BCL2L1: variants seen among roughly 807,000 people sequenced by gnomAD.
The protein encoded by BCL2L1 is BCL2 like 1, also known as bcl-2-like protein 1.
A neutral mutation model predicts 18.7 loss-of-function variants in BCL2L1; 1 was observed. The ratio of observed to expected loss-of-function variants is 0.05; its 90% confidence interval spans 0.02 to 0.25. The LOEUF is 0.25. BCL2L1 is among the 10% of genes least tolerant of loss of function. The pLI, the probability that BCL2L1 is intolerant of heterozygous loss-of-function variation, is 1.00. For synonymous variants in BCL2L1, 103 were observed against 122.7 expected (o/e 0.84, Z 1.06); for missense variants, 207 against 304.9 (o/e 0.68, Z 2.39).
intron 2 of BCL2L1, among the ~76,000 whole-genome samples, chr20:31,687,533 C>T (rs987431823): frequency 1.3e-5 from 2 of 151,770 alleles, no homozygotes; most frequent in African/African-American, 2.4e-5. Context: ...AAAAAATAGC[C>T]GGGTGTGGTG....
intron 2 of BCL2L1, among the ~76,000 whole-genome samples, chr20:31,667,484 CGTGTGTGTGTGTGT>C (rs3073682): frequency 1.5e-5 from 2 of 135,266 alleles, no homozygotes; most frequent in South Asian, 2.3e-4. Flanking sequence ...ACCATAGTAC[CGTGTGTGTGTGTGT>C]GTGTGTGTGT....
At chr20:31,710,454 C>G (rs765907101) in intron 2 of BCL2L1, among the ~76,000 whole-genome samples, 3 of 152,202 alleles carry the variant, frequency 2.0e-5, no homozygotes, top group Non-Finnish European at 4.4e-5. Context: ...GGAAATTGTA[C>G]AAAGCTACGG....
intron 2 of BCL2L1, among the ~76,000 whole-genome samples, chr20:31,667,966 G>A (rs1418329282): frequency 6.6e-6 from 1 of 152,090 alleles, no homozygotes; most frequent in East Asian, 1.9e-4. Context: ...CCTTCCCAGG[G>A]CTTCCATCAC....
chr20:31,677,801 A>C (rs1235654236), intron 2 of BCL2L1, among the ~76,000 whole-genome samples: 1 of 152,140 alleles, frequency 6.6e-6, no homozygotes, highest in African/African-American at 2.4e-5. Flanking sequence ...TCCACAGGTC[A>C]CTTTCTCAAG....
At chr20:31,711,538 TACC>T (rs2061452878) in intron 2 of BCL2L1, among the ~76,000 whole-genome samples, 1 of 152,216 alleles carries the variant, frequency 6.6e-6, no homozygotes. Context: ...CAGTCTCAGT[TACC>T]ACAATATCCA....
At chr20:31,723,656 C>A, upstream of BCL2L1, 1 of 985,548 alleles carries the variant, frequency 1.0e-6, no homozygotes, top group Non-Finnish European at 1.2e-6. Context: ...TCAGCGAGCC[C>A]AGCCGGCACG....
At chr20:31,687,495 G>A (rs2060979021) in intron 2 of BCL2L1, among the ~76,000 whole-genome samples, 1 of 151,586 alleles carries the variant, frequency 6.6e-6, no homozygotes, top group Non-Finnish European at 1.5e-5. Flanking sequence ...CAAACACGGT[G>A]AAACCCCTTC....
At chr20:31,703,802 T>TA (rs2061326250) in intron 2 of BCL2L1, among the ~76,000 whole-genome samples, 1 of 145,682 alleles carries the variant, frequency 6.9e-6, no homozygotes, top group Non-Finnish European at 1.5e-5. Flanking sequence ...CTGAACTTGT[T>TA]TTTTTTTTTT....
intron 2 of BCL2L1, among the ~76,000 whole-genome samples, chr20:31,671,623 T>C (rs934702870): frequency 2.9e-4 from 44 of 152,230 alleles, no homozygotes; most frequent in Non-Finnish European, 5.0e-4. Flanking sequence ...GAGGCTGGCA[T>C]TGGAGACTCA....
chr20:31,700,227 C>T (rs1421082081), intron 2 of BCL2L1, among the ~76,000 whole-genome samples: 2 of 152,128 alleles, frequency 1.3e-5, no homozygotes, highest in South Asian at 2.1e-4. Context: ...AAACATTTGC[C>T]GAATCGCCAA....
chr20:31,698,926 A>G (rs552553778), intron 2 of BCL2L1, among the ~76,000 whole-genome samples: 49 of 152,152 alleles, frequency 3.2e-4, no homozygotes, highest in Non-Finnish European at 6.0e-4. Context: ...AAATGTAAGC[A>G]GTTTTTTTTT....
At chr20:31,676,024 A>G (rs2060752823) in intron 2 of BCL2L1, among the ~76,000 whole-genome samples, 1 of 152,178 alleles carries the variant, frequency 6.6e-6, no homozygotes, top group Non-Finnish European at 1.5e-5. Context: ...CCGGGAGGAG[A>G]TAACACCTCC....
chr20:31,721,395 T>C (rs2061627329), intron 2 of BCL2L1: 1 of 480,548 alleles, frequency 2.1e-6, no homozygotes, highest in Non-Finnish European at 3.6e-6. Context: ...TTTTCTTTGC[T>C]GAGAAACTGG....
chr20:31,667,663 A>G (rs546163644), intron 2 of BCL2L1, among the ~76,000 whole-genome samples: 40 of 151,810 alleles, frequency 2.6e-4, no homozygotes, highest in Non-Finnish European at 5.4e-4. Flanking sequence ...CTCACCTATC[A>G]ATTTGCTCAC....
chr20:31,700,755 GTATAT>G (rs2061264580), intron 2 of BCL2L1, among the ~76,000 whole-genome samples: 1 of 152,184 alleles, frequency 6.6e-6, no homozygotes, highest in African/African-American at 2.4e-5. Context: ...CTCCTTTCAT[GTATAT>G]TATGTCTTTT....
chr20:31,722,798 G>A lies in BCL2L1; in HGVS notation c.-311C>T, dbSNP rs1410410465. 6.6e-6 allele frequency: 1 copy of A among 152,214 alleles called. No individual in the cohort carries two copies. Among genetic ancestry groups the A allele is most frequent in the African/African-American group, 2.4e-5 (1 of 41,452 alleles). The allele number at this position is 152,214 out of a possible 1,614,324, so 9.4% of individuals were successfully genotyped here. A position where few individuals can be genotyped will look rare whatever the true frequency, so the allele number is the denominator to read the frequency against. On this transcript the variant is annotated 5_prime_UTR_variant, in exon 1 of 3. Transcript: ENST00000307677. ...GACCCGGCAGGCTGGGAGCCCAGAAGGCGACACAGGAATTGCGAAGCTCAG... is the reference window on the plus strand; with the variant it reads ...GACCCGGCAGGCTGGGAGCCCAGAAAGCGACACAGGAATTGCGAAGCTCAG...
At position 31,666,054 on chromosome 20, in the gene BCL2L1, T is replaced by C; in HGVS notation, c.597A>G (p.Ala199=). Residue 199 remains alanine, a synonymous_variant, in exon 3 of 3, where the codon GCA becomes GCG. Coordinates refer to ENST00000307677, the MANE Select transcript of BCL2L1 (RefSeq NM_138578.3). The part of the protein sequence containing the change: ...DTFVELYGNN[A]AAESRKGQER... ...CCTGGCCCTTTCGGCTCTCGGCTGCTGCATTGTTCCCATAGAGTTCCACAA... is the reference window on the plus strand; with the variant it reads ...CCTGGCCCTTTCGGCTCTCGGCTGCCGCATTGTTCCCATAGAGTTCCACAA... The C allele has an allele frequency of 6.2e-7, 1 of 1,614,102 alleles. No individual in the cohort carries two copies. The highest frequency in any genetic ancestry group is 8.5e-7 in the Non-Finnish European group (1 of 1,180,014).
At chr20:31,723,530 G>A (rs1375516373), upstream of BCL2L1, 12 of 984,782 alleles carry the variant, frequency 1.2e-5, no homozygotes, top group South Asian at 1.9e-4. Flanking sequence ...TCACTAGGCC[G>A]GGTACCCGCC....
intron 2 of BCL2L1, among the ~76,000 whole-genome samples, chr20:31,676,562 A>G (rs760114389): frequency 5.3e-5 from 8 of 152,178 alleles, no homozygotes; most frequent in Non-Finnish European, 8.8e-5. Flanking sequence ...TTTCGTAAGT[A>G]GATGGCCACA....
Sources: allele counts gnomAD v4.1 joint callset (sites outside exome capture counted in the v4.1 genomes callset), GRCh38; gene constraint gnomAD v4.1.1; transcripts MANE v1.5; gene names NCBI Gene and HGNC (gene_info 2026-07-23, HGNC 2026-07-21).